The following OPCML variants were observed in gnomAD, a reference collection of about 807,000 sequenced individuals.
The protein encoded by OPCML is opioid-binding protein/cell adhesion molecule.
OPCML carries 13 observed loss-of-function variants against 37.8 expected under a neutral mutation model. The observed-to-expected ratio is 0.34, with a 90% CI of 0.22 to 0.55. The LOEUF (loss-of-function observed/expected upper bound fraction) is 0.55, where lower values mean the gene tolerates loss of function less well. OPCML is among the 20% of genes least tolerant of loss of function. OPCML has a pLI of 0.91. For missense variants in OPCML, 341 were observed against 435.6 expected (o/e 0.78, Z 1.93); for synonymous variants, 176 against 168.8 (o/e 1.04, Z -0.33).
chr11:132,524,452 C>G (rs991079598), intron 4 of OPCML, among the ~76,000 whole-genome samples: 6 of 152,104 alleles, frequency 3.9e-5, no homozygotes, highest in Admixed American at 2.6e-4. Flanking sequence ...TACCCTCTAG[C>G]AGATCTATAT....
At position 133,413,517 on chromosome 11, in the gene OPCML, A is replaced by G. The variant is rs527689407; in HGVS notation, c.61+118747T>C. 4.6e-4 allele frequency among the ~76,000 whole-genome samples: 70 copies of G among 152,010 alleles called. 3 individuals are homozygous for G. Among genetic ancestry groups the G allele is most frequent in the African/African-American group, 1.6e-3 (68 of 41,536 alleles). On this transcript the variant is annotated intron_variant, in intron 1 of 7. Coordinates refer to ENST00000524381, the MANE Select transcript of OPCML (RefSeq NM_001012393.5). The stretch of plus-strand genomic sequence containing the variant: ...TAAATAAATAAATATATAAAAACAA[A>G]CAAAAAAAAGAAATAGAACAGGATT...
chr11:132,809,214 C>T (rs934639363), intron 2 of OPCML, among the ~76,000 whole-genome samples: 10 of 152,192 alleles, frequency 6.6e-5, no homozygotes, highest in Non-Finnish European at 1.0e-4. Context: ...AAGCAGCATA[C>T]GTGGCTCATT....
intron 1 of OPCML, among the ~76,000 whole-genome samples, chr11:133,512,650 A>T (rs971236244): frequency 6.6e-6 from 1 of 152,202 alleles, no homozygotes; most frequent in Non-Finnish European, 1.5e-5. Flanking sequence ...AGATCACATC[A>T]TGAGTCCATC....
At chr11:132,946,415 G>A (rs555586803) in intron 1 of OPCML, among the ~76,000 whole-genome samples, 1 of 152,302 alleles carries the variant, frequency 6.6e-6, no homozygotes, top group African/African-American at 2.4e-5. Context: ...ATTATGTACT[G>A]TACATATTTA....
At chr11:132,890,405 T>A (rs953905906) in intron 2 of OPCML, among the ~76,000 whole-genome samples, 1 of 152,180 alleles carries the variant, frequency 6.6e-6, no homozygotes, top group Non-Finnish European at 1.5e-5. Flanking sequence ...CACATCAGCA[T>A]TTGGAGACCG....
chr11:132,474,138 T>A (rs943844952), intron 4 of OPCML, among the ~76,000 whole-genome samples: 7 of 152,098 alleles, frequency 4.6e-5, no homozygotes, highest in African/African-American at 1.4e-4. Flanking sequence ...AGACCCAACA[T>A]GCAGCAGCAA....
chr11:132,930,133 G>A (rs573845170), intron 2 of OPCML, among the ~76,000 whole-genome samples: 1 of 152,254 alleles, frequency 6.6e-6, no homozygotes, highest in East Asian at 1.9e-4. Context: ...GGATCCCAAA[G>A]CAGGCAGATA....
intron 2 of OPCML, among the ~76,000 whole-genome samples, chr11:132,936,545 C>A (rs1053529801): frequency 6.6e-6 from 1 of 152,086 alleles, no homozygotes. Flanking sequence ...CCACAACCTC[C>A]CCTCACCCCT....
chr11:132,659,664 A>G (rs556962307), intron 2 of OPCML, among the ~76,000 whole-genome samples: 1 of 152,244 alleles, frequency 6.6e-6, no homozygotes, highest in East Asian at 1.9e-4. Flanking sequence ...GGCCTTTAGA[A>G]CATATTCACA....
At chr11:132,746,433 A>G (rs911390818) in intron 2 of OPCML, among the ~76,000 whole-genome samples, 5 of 152,024 alleles carry the variant, frequency 3.3e-5, no homozygotes, top group African/African-American at 1.2e-4. Context: ...CACCACTCTC[A>G]TCGGCGTTTA....
At position 133,004,398 on chromosome 11, in the gene OPCML, C is replaced by T. The variant is rs149033430; in HGVS notation, c.62-61388G>A. 1.4e-3 allele frequency: 1,364 copies of T among 985,468 alleles called. 1 individual carries two copies. The highest frequency in any genetic ancestry group is 1.6e-3 in the Non-Finnish European group (1,297 of 829,938). 61.0% of individuals were successfully genotyped at this position (985,468 alleles called of 1,614,324 possible). On this transcript the variant is annotated intron_variant, in intron 1 of 7. Transcript: ENST00000524381. ...CTCTCTCTTCAGAGGAAGTTGGAAT[C>T]GTGTCTATCATCTGGCAATTGACAG...
intron 4 of OPCML, among the ~76,000 whole-genome samples, chr11:132,513,569 T>C (rs2096273563): frequency 6.6e-6 from 1 of 152,190 alleles, no homozygotes; most frequent in Non-Finnish European, 1.5e-5. Context: ...AAATGAATTT[T>C]ATCCTTCTAA....
At chr11:132,825,129 A>T (rs140489137) in intron 2 of OPCML, among the ~76,000 whole-genome samples, 9 of 152,296 alleles carry the variant, frequency 5.9e-5, no homozygotes, top group African/African-American at 9.6e-5. Context: ...CCTTTGTTAG[A>T]TCATGAACCT....
rs746583697 is a variant in OPCML, at chr11:133,177,440, T to C, written c.62-234430A>G. On this transcript the variant is annotated intron_variant, in intron 1 of 7. Transcript: ENST00000524381. This position sits in a 1 kb window ranked among gnomAD's most constrained non-coding sequence, Gnocchi z 5.0. ...TTTTGGACAGGTTACTTGAACTTTA[T>C]TAAGCTGAGCTAAATCCACTGAAAT... Among the ~76,000 whole-genome samples the C allele has an allele frequency of 2.6e-5, 4 of 152,222 alleles. No homozygotes were observed. The highest frequency in any genetic ancestry group is 4.4e-5 in the Non-Finnish European group (3 of 68,046).
At chr11:132,529,504 T>C (rs929675302) in intron 3 of OPCML, among the ~76,000 whole-genome samples, 2 of 152,108 alleles carry the variant, frequency 1.3e-5, no homozygotes, top group African/African-American at 2.4e-5. Flanking sequence ...TTCCAAGAGC[T>C]CCTGTTTATC....
chr11:132,979,480 A>T (rs956576233), intron 1 of OPCML, among the ~76,000 whole-genome samples: 6 of 152,204 alleles, frequency 3.9e-5, no homozygotes, highest in Admixed American at 2.0e-4. Flanking sequence ...CTCTTTCTCC[A>T]AACATCCACA....
intron 1 of OPCML, among the ~76,000 whole-genome samples, chr11:132,987,389 TG>T (rs1946699723): frequency 6.6e-6 from 1 of 152,066 alleles, no homozygotes; most frequent in African/African-American, 2.4e-5. Context: ...TGCGTGTACC[TG>T]GGGCAGCAAG....
chr11:133,224,874 C>A (rs756345983), intron 1 of OPCML, among the ~76,000 whole-genome samples: 6 of 152,204 alleles, frequency 3.9e-5, no homozygotes, highest in Non-Finnish European at 7.3e-5. Flanking sequence ...AATCCTCTTT[C>A]CATCATCCTC....
chr11:132,625,865 T>G (rs907772295), intron 3 of OPCML, among the ~76,000 whole-genome samples: 2 of 152,168 alleles, frequency 1.3e-5, no homozygotes, highest in Non-Finnish European at 1.5e-5. Context: ...GAGTCCTGAC[T>G]GATGCTAGCC....
Sources: gnomAD v4.1 joint callset for allele counts (sites outside exome capture counted in the v4.1 genomes callset) on GRCh38, gnomAD v4.1.1 for gene constraint, Gnocchi (gnomAD v3.1) non-coding constraint, MANE v1.5 for transcripts, NCBI Gene and HGNC (gene_info 2026-07-23, HGNC 2026-07-21) for gene names.